Variants in CNTNAP5 observed in about 807,000 individuals in gnomAD.
CNTNAP5 encodes contactin associated protein family member 5, also known as contactin-associated protein-like 5.
CNTNAP5 carries 72 observed loss-of-function variants against 150.2 expected under a neutral mutation model. That is an observed-to-expected ratio of 0.48 (90% CI 0.40 to 0.58). The LOEUF is 0.58. CNTNAP5 is among the 20% of genes least tolerant of loss of function. The pLI is 0.00. For synonymous variants in CNTNAP5, 672 were observed against 619.8 expected (o/e 1.08, Z -1.25); for missense variants, 1,636 against 1,626.2 (o/e 1.01, Z -0.10).
At chr2:124,900,930 C>CA (rs1280257449) in intron 21 of CNTNAP5, among the ~76,000 whole-genome samples, 2 of 151,420 alleles carry the variant, frequency 1.3e-5, no homozygotes, top group Non-Finnish European at 2.9e-5. Flanking sequence ...GTGCCACCAG[C>CA]AAAAAACATC....
chr2:124,700,456 AC>A (rs1209566773), intron 13 of CNTNAP5, among the ~76,000 whole-genome samples: 1 of 152,112 alleles, frequency 6.6e-6, no homozygotes, highest in African/African-American at 2.4e-5. Context: ...TAGAAGCTGC[AC>A]CATTTTACAT....
chr2:124,648,065 C>A, intron 13 of CNTNAP5, 107 bp downstream of exon 13: 2 of 942,598 alleles, frequency 2.1e-6, no homozygotes, highest in Non-Finnish European at 3.2e-6. Flanking sequence ...TACAGTTAGT[C>A]ACTGTGCACT....
intron 3 of CNTNAP5, among the ~76,000 whole-genome samples, chr2:124,336,661 G>T (rs1689479826): frequency 6.6e-6 from 1 of 151,520 alleles, no homozygotes; most frequent in African/African-American, 2.4e-5. Context: ...TGCTGAGAAT[G>T]ATGGTTTCCA....
intron 1 of CNTNAP5, among the ~76,000 whole-genome samples, chr2:124,145,702 C>T (rs937834459): frequency 7.7e-6 from 1 of 129,368 alleles, no homozygotes; most frequent in African/African-American, 3.0e-5. Context: ...CTAGATCACA[C>T]GTTAGTGGGT....
intron 7 of CNTNAP5, among the ~76,000 whole-genome samples, chr2:124,481,821 A>G (rs1249099529): frequency 1.3e-5 from 2 of 152,220 alleles, no homozygotes; most frequent in East Asian, 1.9e-4. Flanking sequence ...CAAAAATAAT[A>G]TTGAGATTAC....
At chr2:124,847,057 C>A (rs566416579) in intron 19 of CNTNAP5, among the ~76,000 whole-genome samples, 20 of 152,280 alleles carry the variant, frequency 1.3e-4, no homozygotes, top group African/African-American at 4.1e-4. Flanking sequence ...TGGCCTCCAG[C>A]CAGGAGAGGG....
intron 1 of CNTNAP5, among the ~76,000 whole-genome samples, chr2:124,167,231 C>T (rs528917830): frequency 6.6e-6 from 1 of 152,212 alleles, no homozygotes; most frequent in East Asian, 1.9e-4. Context: ...TTGGGAAAAC[C>T]ACACATAATT....
intron 11 of CNTNAP5, among the ~76,000 whole-genome samples, chr2:124,588,139 C>CTT (rs1264933969): frequency 7.0e-4 from 95 of 135,036 alleles, no homozygotes; most frequent in African/African-American, 2.7e-3. Flanking sequence ...CTTTTCCTTC[C>CTT]TTCCTTCCTT....
At chr2:124,414,823 A>G (rs977095827) in intron 3 of CNTNAP5, among the ~76,000 whole-genome samples, 2 of 152,010 alleles carry the variant, frequency 1.3e-5, no homozygotes, top group Admixed American at 6.6e-5. Context: ...GCACATTTGG[A>G]TTAGATAAAT....
chr2:124,334,134 G>C (rs1042726677), intron 3 of CNTNAP5, among the ~76,000 whole-genome samples: 19 of 152,112 alleles, frequency 1.2e-4, no homozygotes, highest in African/African-American at 4.6e-4. Context: ...AAAATGCGTT[G>C]TGTGGTGCCT....
At chr2:124,487,857 C>T (rs983174706) in intron 7 of CNTNAP5, among the ~76,000 whole-genome samples, 12 of 151,986 alleles carry the variant, frequency 7.9e-5, no homozygotes, top group Admixed American at 4.6e-4. Context: ...TGACAATCCA[C>T]GACATTTGGG....
intron 21 of CNTNAP5, among the ~76,000 whole-genome samples, chr2:124,877,207 C>T (rs1046334643): frequency 1.3e-5 from 2 of 152,110 alleles, no homozygotes; most frequent in African/African-American, 4.8e-5. Context: ...GTGCTCCATG[C>T]TCTGCACTGC....
At chr2:124,518,425 A>C (rs1464171009) in intron 8 of CNTNAP5, among the ~76,000 whole-genome samples, 1 of 152,196 alleles carries the variant, frequency 6.6e-6, no homozygotes, top group East Asian at 1.9e-4. Flanking sequence ...TCACAAAATA[A>C]CAGAACTAAA....
chr2:124,123,989 A>G (rs1683627967), intron 1 of CNTNAP5, among the ~76,000 whole-genome samples: 1 of 152,322 alleles, frequency 6.6e-6, no homozygotes. Flanking sequence ...ACTAAAAATC[A>G]GAGCACCTCT....
chr2:124,864,175 C>T (rs932661847), intron 19 of CNTNAP5, among the ~76,000 whole-genome samples: 2 of 152,146 alleles, frequency 1.3e-5, no homozygotes, highest in Non-Finnish European at 2.9e-5. Context: ...CTTATTACCC[C>T]ATGGCAATTT....
At chr2:124,062,080 C>A (rs974335064) in intron 1 of CNTNAP5, among the ~76,000 whole-genome samples, 1 of 151,958 alleles carries the variant, frequency 6.6e-6, no homozygotes, top group Non-Finnish European at 1.5e-5. Context: ...TACCTATCAA[C>A]TAAATCCAGC....
chr2:124,207,027 C>A (rs72838256), intron 1 of CNTNAP5, among the ~76,000 whole-genome samples: 1,690 of 152,296 alleles, frequency 0.011, 25 homozygotes, highest in Non-Finnish European at 0.014. Flanking sequence ...TGTTTAGTAT[C>A]AAATGGTAGC....
At chr2:124,370,720 C>T (rs1051195104) in intron 3 of CNTNAP5, among the ~76,000 whole-genome samples, 11 of 152,112 alleles carry the variant, frequency 7.2e-5, no homozygotes, top group African/African-American at 2.7e-4. Flanking sequence ...TGACTCTTGG[C>T]TGGAGATTGA....
intron 3 of CNTNAP5, among the ~76,000 whole-genome samples, chr2:124,320,938 G>T (rs1689082987): frequency 6.6e-6 from 1 of 152,148 alleles, no homozygotes; most frequent in African/African-American, 2.4e-5. Flanking sequence ...AAAATGAATA[G>T]CTGCTGGGTT....
Sources: allele counts gnomAD v4.1 joint callset (sites outside exome capture counted in the v4.1 genomes callset), GRCh38; gene constraint gnomAD v4.1.1; transcripts MANE v1.5; gene names NCBI Gene and HGNC (gene_info 2026-07-23, HGNC 2026-07-21).